The following EPHA6 variants were observed in gnomAD, a reference collection of about 807,000 sequenced individuals.
The protein encoded by EPHA6 is EPH receptor A6.
EPHA6 carries 50 observed loss-of-function variants against 112.0 expected under a neutral mutation model. The observed-to-expected ratio is 0.45, with a 90% confidence interval of 0.36 to 0.56. The LOEUF (loss-of-function observed/expected upper bound fraction) is 0.56, where lower values mean the gene tolerates loss of function less well. Ranked by LOEUF, EPHA6 falls within the 20% of genes least tolerant of loss-of-function variation. The pLI is 0.00. For synonymous variants in EPHA6, 529 were observed against 490.7 expected (o/e 1.08, Z -1.03); for missense variants, 1,280 against 1,417.4 (o/e 0.90, Z 1.56).
At chr3:97,500,380 AG>A (rs2092087474) in intron 10 of EPHA6, among the ~76,000 whole-genome samples, 1 of 152,158 alleles carries the variant, frequency 6.6e-6, no homozygotes, top group Non-Finnish European at 1.5e-5. Context: ...GGGAAGACTC[AG>A]GAAATATATA....
At chr3:96,939,812 C>T (rs1419964189) in intron 2 of EPHA6, among the ~76,000 whole-genome samples, 8 of 151,842 alleles carry the variant, frequency 5.3e-5, no homozygotes, top group South Asian at 2.1e-4. Flanking sequence ...GTCTTTGTTC[C>T]CGTTGGTTTC....
At chr3:97,384,854 C>G (rs1299722178) in intron 5 of EPHA6, among the ~76,000 whole-genome samples, 1 of 152,034 alleles carries the variant, frequency 6.6e-6, no homozygotes, top group Non-Finnish European at 1.5e-5. Flanking sequence ...TCTTGAAGAA[C>G]TCTGTTAAAC....
intron 11 of EPHA6, among the ~76,000 whole-genome samples, chr3:97,554,551 T>C (rs1347500827): frequency 2.0e-5 from 3 of 152,106 alleles, no homozygotes; most frequent in African/African-American, 7.2e-5. Flanking sequence ...ACAAAGCTTT[T>C]TGGTGGGTCC....
At chr3:97,706,041 T>C (rs919827320) in intron 14 of EPHA6, among the ~76,000 whole-genome samples, 7 of 152,186 alleles carry the variant, frequency 4.6e-5, no homozygotes, top group African/African-American at 1.7e-4. Context: ...GGCATTGCTT[T>C]GCCAAAATGT....
intron 13 of EPHA6, among the ~76,000 whole-genome samples, 180 bp downstream of exon 13, chr3:97,611,034 A>G (rs550970241): frequency 6.6e-6 from 1 of 151,622 alleles, no homozygotes; most frequent in African/African-American, 2.4e-5. Flanking sequence ...CTAAGGGGGG[A>G]GGATGTACAC....
chr3:97,173,216 G>C (rs896475674), intron 3 of EPHA6, among the ~76,000 whole-genome samples: 2 of 151,744 alleles, frequency 1.3e-5, no homozygotes, highest in Admixed American at 1.3e-4. Context: ...ATGTATTAAA[G>C]CTTAAATGTC....
rs375559416 is a variant in EPHA6, at chr3:96,987,839, C to T, written c.960C>T (p.Ser320=). The T allele has an allele frequency of 4.3e-4, 696 of 1,613,762 alleles. No individual in the cohort carries two copies. The highest frequency in any genetic ancestry group is 5.6e-4 in the Non-Finnish European group (656 of 1,179,870). ...CTGATACCATTCCAAGGGTTGATTC[C>T]TCCTCTTTGGTTGAAGTACGGGGTT... is the stretch of plus-strand genomic sequence containing the variant. ...MFPDTIPRVD[S]SSLVEVRGSC... The change falls in exon 3 of 18, where the codon TCC becomes TCT. Residue 320 remains serine, a synonymous_variant. Transcript: ENST00000389672.
chr3:96,869,708 T>C (rs2036527185), intron 2 of EPHA6, among the ~76,000 whole-genome samples: 1 of 152,058 alleles, frequency 6.6e-6, no homozygotes, highest in African/African-American at 2.4e-5. Context: ...GTGGATGAGA[T>C]CTTTGTTACA....
chr3:97,509,355 T>A (rs530245872), intron 10 of EPHA6, among the ~76,000 whole-genome samples: 6,457 of 152,140 alleles, frequency 0.042, 376 homozygotes, highest in African/African-American at 0.14. Context: ...AGTGCTTCCT[T>A]CAGGAGCTCT....
chr3:97,457,314 A>G (rs954178529), intron 7 of EPHA6, among the ~76,000 whole-genome samples: 1 of 152,208 alleles, frequency 6.6e-6, no homozygotes, highest in African/African-American at 2.4e-5. Flanking sequence ...GTAGAAACAC[A>G]TGATGCTGAG....
intron 14 of EPHA6, among the ~76,000 whole-genome samples, chr3:97,694,246 T>G (rs939354452): frequency 6.6e-6 from 1 of 151,946 alleles, no homozygotes; most frequent in African/African-American, 2.4e-5. Context: ...TTTTCTTTTT[T>G]TTTTTTGAGA....
Position 97,309,605 on chromosome 3 carries a change from T to TCC in EPHA6, c.1606+65318_1606+65319insCC, listed in dbSNP as rs1576911953. ...ACTGAATTAATTTAAAAATTGGTAG[T>TCC]TTACTGGTAACATATTTAAGTACTA... On this transcript the variant is annotated intron_variant, in intron 5 of 17. Transcript: ENST00000389672. Among the ~76,000 whole-genome samples the TCC allele has an allele frequency of 2.0e-5, 3 of 151,634 alleles. No homozygotes were observed. The East Asian group carries it at 5.8e-4, about 29-fold the overall frequency.
At chr3:96,891,981 T>G (rs72933463) in intron 2 of EPHA6, among the ~76,000 whole-genome samples, 2,364 of 152,286 alleles carry the variant, frequency 0.016, 60 homozygotes, top group African/African-American at 0.048. Flanking sequence ...TGCCTATTGG[T>G]GCAGTTTTGG....
chr3:96,894,393 A>G (rs1263911380), intron 2 of EPHA6, among the ~76,000 whole-genome samples: 3 of 152,208 alleles, frequency 2.0e-5, no homozygotes, highest in Admixed American at 2.0e-4. Flanking sequence ...TTTCAATAAC[A>G]AAATCATGTG....
At chr3:96,913,660 G>C (rs2039344049) in intron 2 of EPHA6, among the ~76,000 whole-genome samples, 1 of 152,092 alleles carries the variant, frequency 6.6e-6, no homozygotes, top group East Asian at 1.9e-4. Flanking sequence ...AAGATAGTAA[G>C]ATCAAAGTGT....
At chr3:97,398,412 G>A (rs1201734942) in intron 5 of EPHA6, among the ~76,000 whole-genome samples, 1 of 151,278 alleles carries the variant, frequency 6.6e-6, no homozygotes, top group Non-Finnish European at 1.5e-5. Flanking sequence ...GAACATTAAT[G>A]CAGCTTCCAA....
At chr3:96,989,222 G>T (rs963029621) in intron 3 of EPHA6, among the ~76,000 whole-genome samples, 97 of 152,128 alleles carry the variant, frequency 6.4e-4, no homozygotes, top group Non-Finnish European at 8.8e-5. Context: ...AGTTTTAAAG[G>T]TTTTTTCTGT....
chr3:96,925,868 A>T (rs1243695932), intron 2 of EPHA6, among the ~76,000 whole-genome samples: 1 of 152,114 alleles, frequency 6.6e-6, no homozygotes, highest in Non-Finnish European at 1.5e-5. Flanking sequence ...GGCCTCCCAA[A>T]GTGCTGAGAT....
At chr3:97,071,510 G>A (rs2046356530) in intron 3 of EPHA6, among the ~76,000 whole-genome samples, 1 of 152,000 alleles carries the variant, frequency 6.6e-6, no homozygotes, top group Admixed American at 6.6e-5. Context: ...TTACATGCCG[G>A]TGGCAAGAGA....
Sources: allele counts gnomAD v4.1 joint callset (sites outside exome capture counted in the v4.1 genomes callset), GRCh38; gene constraint gnomAD v4.1.1; transcripts MANE v1.5; gene names NCBI Gene and HGNC (gene_info 2026-07-23, HGNC 2026-07-21).